The following ENPP3 variants were observed in gnomAD, a reference collection of about 807,000 sequenced individuals.
ENPP3 encodes the protein ectonucleotide pyrophosphatase/phosphodiesterase 3.
In ENPP3, 104 loss-of-function variants were observed where a neutral mutation model predicts 117.8. That is an observed-to-expected ratio of 0.88 (90% CI 0.75 to 1.04). ENPP3 has a LOEUF of 1.04. Among genes scored for constraint, ENPP3 ranks in the 50% least tolerant of loss-of-function variants. The probability of loss-of-function intolerance (pLI) is 0.00; values close to 1 mark genes in which losing one functional copy is unlikely to be tolerated. For synonymous variants in ENPP3, 380 were observed against 349.9 expected, an observed-to-expected ratio of 1.09 and a Z score of -0.96; for missense variants, 1,026 against 1,051.9, an observed-to-expected ratio of 0.98 and a Z score of 0.34.
rs1780336660 is a variant in ENPP3 at position 131,733,728 on chromosome 6, G to A, written c.2089+5G>A. On this transcript the variant is annotated splice_donor_5th_base_variant and intron_variant, in intron 21 of 24. Coordinates refer to ENST00000357639, the MANE Select transcript of ENPP3 (RefSeq NM_005021.5). ...ACGGCTTCCTCTATCCTCCTGGTTA[G>A]TAGAACTCTTTTTTAGAGCAGTAGC... 2 of 1,613,388 alleles carry A rather than the reference G, an allele frequency of 1.2e-6. No homozygotes were observed. The highest frequency in any genetic ancestry group is 8.5e-7 in the Non-Finnish European group (1 of 1,179,578).
rs771979545 is a variant in ENPP3, at chr6:131,740,305, G to A, written c.2382G>A (p.Pro794=). The A allele has an allele frequency of 1.8e-5, 29 of 1,613,054 alleles. No individual in the cohort carries two copies. The highest frequency in any genetic ancestry group is 1.0e-4 in the Admixed American group (6 of 59,862). The change falls in exon 24 of 25, where the codon CCG becomes CCA. Residue 794 remains proline, a synonymous_variant. Coordinates refer to ENST00000357639, the MANE Select transcript of ENPP3 (RefSeq NM_005021.5). ...GTTGTAAAAACAAGAGCCACACACC[G>A]GAAAACTGCCCTGGGTGGCTGGATG... ...LTSCKNKSHT[P]ENCPGWLDVL...
At chr6:131,675,039 A>C in intron 8 of ENPP3, 41 bp from the exon 9 acceptor site, 1 of 1,190,332 alleles carries the variant, frequency 8.4e-7, no homozygotes, top group East Asian at 2.3e-5. Context: ...TTTCTACCCA[A>C]AGTAATTACT....
At chr6:131,718,094 C>T (rs918555969) in intron 15 of ENPP3, among the ~76,000 whole-genome samples, 1 of 152,186 alleles carries the variant, frequency 6.6e-6, no homozygotes, top group Non-Finnish European at 1.5e-5. Context: ...AGAACATATT[C>T]CTGCCCTTAA....
intron 16 of ENPP3, 75 bp from the exon 17 acceptor site, chr6:131,720,217 A>G: frequency 1.1e-6 from 1 of 889,508 alleles, no homozygotes; most frequent in Non-Finnish European, 1.7e-6. Flanking sequence ...ACAGAAGGAA[A>G]ATTTTGTCTC....
intron 15 of ENPP3, among the ~76,000 whole-genome samples, chr6:131,694,323 C>T (rs1162069003): frequency 6.6e-6 from 1 of 152,190 alleles, no homozygotes; most frequent in Non-Finnish European, 1.5e-5. Flanking sequence ...ACAGATCTGT[C>T]TCCTGCTCTC....
chr6:131,654,991 T>G lies in ENPP3; in HGVS notation c.464+2100T>G, dbSNP rs373825115. On this transcript the variant is annotated intron_variant, in intron 5 of 24. Coordinates refer to ENST00000357639, the MANE Select transcript of ENPP3 (RefSeq NM_005021.5). ...AACTGAAATAATAACAATGCCAGGG[T>G]CAGACGATTTCATGTGAGAATTAAA... Among the ~76,000 whole-genome samples, 18 of 152,250 alleles carry G rather than the reference T, an allele frequency of 1.2e-4. No individual in the cohort carries two copies. In the South Asian group the frequency reaches 3.5e-3, roughly 30 times the overall value.
intron 2 of ENPP3, among the ~76,000 whole-genome samples, chr6:131,645,438 C>G (rs1485336718): frequency 1.3e-5 from 2 of 152,310 alleles, no homozygotes; most frequent in East Asian, 3.9e-4. Context: ...TGCCCTGTTG[C>G]TCTAATCCAT....
At chr6:131,686,855 T>G (rs1410099190) in intron 14 of ENPP3, among the ~76,000 whole-genome samples, 1 of 152,240 alleles carries the variant, frequency 6.6e-6, no homozygotes. Flanking sequence ...ATTCTTTTTT[T>G]ATGGCTGCAT....
At position 131,671,315 on chromosome 6, in the gene ENPP3, C is replaced by T. The variant is rs765757603; in HGVS notation, c.630C>T (p.Tyr210=). ...CTACCAAAACCTTCCCAAATCATTA[C>T]ACCATTGTCACGGTAAGTGCTTGAC... ...MYPTKTFPNH[Y]TIVTGLYPES... is the part of the protein sequence containing the mutation. The change falls in exon 7 of 25, where the codon TAC becomes TAT. Residue 210 remains tyrosine (Y), a synonymous_variant. Transcript: ENST00000357639. 1.3e-6 allele frequency: 2 copies of T among 1,594,796 alleles called. No homozygotes were observed. Among genetic ancestry groups the T allele is most frequent in the East Asian group, 4.5e-5 (2 of 44,814 alleles).
intron 14 of ENPP3, among the ~76,000 whole-genome samples, chr6:131,693,208 A>G (rs1389079093): frequency 6.6e-6 from 1 of 150,896 alleles, no homozygotes; most frequent in Admixed American, 6.7e-5. Context: ...AGAGAGTCTC[A>G]CTCTATGGCC....
rs1346869924 is a variant in ENPP3, at chr6:131,668,209, T to G, written c.563-3039T>G. On this transcript the variant is annotated intron_variant, in intron 6 of 24. Coordinates refer to ENST00000357639, the MANE Select transcript of ENPP3 (RefSeq NM_005021.5). The stretch of plus-strand genomic sequence containing the variant: ...TTGAGTCGGAGTCTCGCTCTGCGTT[T>G]TTTTTTTTTTTTTTTTTTTTTGAGA... 1.5e-4 allele frequency among the ~76,000 whole-genome samples: 14 copies of G among 90,356 alleles called. No individual in the cohort carries two copies. In the South Asian group the frequency reaches 5.6e-3, roughly 36 times the overall value. 59.3% of individuals were successfully genotyped at this position (90,356 alleles called of 152,430 possible).
At chr6:131,666,023 C>G (rs1156318762) in intron 6 of ENPP3, among the ~76,000 whole-genome samples, 1 of 151,742 alleles carries the variant, frequency 6.6e-6, no homozygotes, top group Non-Finnish European at 1.5e-5. Context: ...TCAGTTTTCC[C>G]TGTAATATAG....
In ENPP3 at chr6:131,683,135, G is replaced by A. The variant is rs1272324819; in HGVS notation, c.1093G>A (p.Val365Ile). ...GLKQRNLHNC[V>I]NIILLADHGM... ...GAAGCAGCGGAATTTGCACAACTGT[G>A]TCAATATCATCCTTCTGGCTGACCA... Residue 365 changes from valine (V) to isoleucine (I), a missense_variant, in exon 12 of 25, where the codon GTC becomes ATC. Coordinates refer to ENST00000357639, the MANE Select transcript of ENPP3 (RefSeq NM_005021.5). 1.9e-6 allele frequency: 3 copies of A among 1,606,858 alleles called. No individual in the cohort carries two copies. In the South Asian group the frequency reaches 3.3e-5, roughly 18 times the overall value.
chr6:131,696,493 G>T (rs1204366869), intron 15 of ENPP3, among the ~76,000 whole-genome samples: 1 of 152,234 alleles, frequency 6.6e-6, no homozygotes, highest in African/African-American at 2.4e-5. Flanking sequence ...GATGGGATAG[G>T]ATACGTGTTG....
At chr6:131,666,729 A>T (rs1484577471) in intron 6 of ENPP3, among the ~76,000 whole-genome samples, 1 of 152,210 alleles carries the variant, frequency 6.6e-6, no homozygotes, top group Non-Finnish European at 1.5e-5. Flanking sequence ...TCAATTCCTG[A>T]AGATTTATCT....
At chr6:131,719,298 G>T (rs1156289499) in intron 16 of ENPP3, among the ~76,000 whole-genome samples, 2 of 151,796 alleles carry the variant, frequency 1.3e-5, no homozygotes, top group East Asian at 3.9e-4. Flanking sequence ...TTGGGAGTGT[G>T]CCTGAGTCTA....
At chr6:131,658,568 C>G (rs1585628222) in intron 6 of ENPP3, 148 bp downstream of exon 6, 1 of 568,284 alleles carries the variant, frequency 1.8e-6, no homozygotes, top group East Asian at 3.0e-5. Context: ...TTTCTACTTT[C>G]ATTCGGAAGT....
chr6:131,744,966 C>T (rs1780604188), intron 24 of ENPP3, among the ~76,000 whole-genome samples: 1 of 152,134 alleles, frequency 6.6e-6, no homozygotes, highest in Admixed American at 6.5e-5. Context: ...CAGCGACTTA[C>T]TCAGGTTAAA....
rs376738034 is a variant in ENPP3, at chr6:131,666,504, T to A, written c.563-4744T>A. ...CATCATGCATATATTAATCCACATG[T>A]TGGTGTCCCACAGTTCTCTTAATCT... On this transcript the variant is annotated intron_variant, in intron 6 of 24. Coordinates refer to ENST00000357639, the MANE Select transcript of ENPP3 (RefSeq NM_005021.5). Among the ~76,000 whole-genome samples, 23 of 152,340 alleles carry A rather than the reference T, an allele frequency of 1.5e-4. No homozygotes were observed. In the East Asian group the frequency reaches 2.3e-3, roughly 15 times the overall value.
Sources: allele counts gnomAD v4.1 joint callset (sites outside exome capture counted in the v4.1 genomes callset), GRCh38; gene constraint gnomAD v4.1.1; transcripts MANE v1.5; gene names NCBI Gene and HGNC (gene_info 2026-07-23, HGNC 2026-07-21).